SDK1: variants seen among roughly 807,000 people sequenced by gnomAD.
SDK1 encodes protein sidekick-1.
In SDK1, 157 loss-of-function variants were observed where a neutral mutation model predicts 245.5. The observed-to-expected ratio is 0.64, with a 90% CI of 0.56 to 0.73. The LOEUF is 0.73. Among genes scored for constraint, SDK1 ranks in the 30% least tolerant of loss-of-function variants. The probability of loss-of-function intolerance (pLI) is 0.00; values close to 1 mark genes in which losing one functional copy is unlikely to be tolerated. For synonymous variants in SDK1, 1,647 were observed against 1,278.5 expected (o/e 1.29, Z -6.15); for missense variants, 3,583 against 3,002.3 (o/e 1.19, Z -4.52).
chr7:4,127,260 A>G (rs185063327), intron 25 of SDK1, 121 bp from the exon 26 acceptor site: 642 of 756,444 alleles, frequency 8.5e-4, no homozygotes, highest in Non-Finnish European at 1.1e-3. Context: ...TCTGATCACT[A>G]CAAAATGCTT....
chr7:3,927,287 T>G (rs948400655), intron 5 of SDK1, among the ~76,000 whole-genome samples: 13 of 152,234 alleles, frequency 8.5e-5, no homozygotes, highest in Admixed American at 5.2e-4. Flanking sequence ...AATAGAATTT[T>G]TTTTTTAAAT....
At chr7:3,442,730 G>A (rs941236860) in intron 1 of SDK1, among the ~76,000 whole-genome samples, 1 of 152,086 alleles carries the variant, frequency 6.6e-6, no homozygotes, top group African/African-American at 2.4e-5. Context: ...GATATGTTTT[G>A]TTTTTAGCAT....
At chr7:3,675,998 T>G (rs1409140470) in intron 4 of SDK1, among the ~76,000 whole-genome samples, 2 of 152,222 alleles carry the variant, frequency 1.3e-5, no homozygotes, top group East Asian at 3.8e-4. Flanking sequence ...GGTTGTCTGT[T>G]TGCTCTATTG....
rs79453449 is a variant in SDK1 at position 3,320,098 on chromosome 7, C to G, written c.298+18214C>G. Among the ~76,000 whole-genome samples the G allele has an allele frequency of 3.7e-3, 564 of 151,964 alleles. 4 individuals are homozygous for G. Among genetic ancestry groups the G allele is most frequent in the African/African-American group, 0.012 (507 of 41,426 alleles). ...CCAATTTATTCCCCCTTTCCTCATTCTCTTCTGATGTATGGGTTTAGGAAG... is the reference window on the plus strand; with the variant it reads ...CCAATTTATTCCCCCTTTCCTCATTGTCTTCTGATGTATGGGTTTAGGAAG... On this transcript the variant is annotated intron_variant, in intron 1 of 44. Transcript: ENST00000404826.
At position 3,320,396 on chromosome 7, in the gene SDK1, T is replaced by C. The variant is rs578148892; in HGVS notation, c.298+18512T>C. ...ATATTCTATGGAGTAAGAACTCATG[T>C]TACTATAGTAACATGCTGCTCTGTA... On this transcript the variant is annotated intron_variant, in intron 1 of 44. Coordinates refer to ENST00000404826, the MANE Select transcript of SDK1 (RefSeq NM_152744.4). 2.6e-5 allele frequency among the ~76,000 whole-genome samples: 4 copies of C among 152,284 alleles called. No individual in the cohort carries two copies. The South Asian group carries it at 8.3e-4, about 32-fold the overall frequency.
chr7:3,531,264 G>T, intron 1 of SDK1, among the ~76,000 whole-genome samples: 1 of 152,080 alleles, frequency 6.6e-6, no homozygotes, highest in East Asian at 1.9e-4. Flanking sequence ...ATCTTTATCT[G>T]TACGCTATGC....
At position 3,685,734 on chromosome 7, in the gene SDK1, T is replaced by G. The variant is rs146565305; in HGVS notation, c.713+43629T>G. 2.5e-3 allele frequency among the ~76,000 whole-genome samples: 385 copies of G among 152,238 alleles called. 3 individuals are homozygous for G. Among genetic ancestry groups the G allele is most frequent in the African/African-American group, 9.0e-3 (375 of 41,540 alleles). On this transcript the variant is annotated intron_variant, in intron 4 of 44. Transcript: ENST00000404826. ...TTCAAAGTATCATATATGTACATTGTGATACCCATATAACCACTAAGAAAA... is the reference window on the plus strand; with the variant it reads ...TTCAAAGTATCATATATGTACATTGGGATACCCATATAACCACTAAGAAAA...
chr7:4,065,372 T>A (rs1214915674), intron 19 of SDK1, among the ~76,000 whole-genome samples: 1 of 152,090 alleles, frequency 6.6e-6, no homozygotes, highest in Non-Finnish European at 1.5e-5. Flanking sequence ...GGAAACAGAA[T>A]ATAAATTTTA....
intron 23 of SDK1, among the ~76,000 whole-genome samples, chr7:4,111,137 A>T (rs1002962444): frequency 6.6e-6 from 1 of 152,214 alleles, no homozygotes; most frequent in Admixed American, 6.5e-5. Flanking sequence ...GTGTGCAAAC[A>T]AAGCAGATGT....
intron 1 of SDK1, among the ~76,000 whole-genome samples, chr7:3,447,411 C>G (rs1158043143): frequency 6.7e-6 from 1 of 149,032 alleles, no homozygotes; most frequent in Non-Finnish European, 1.5e-5. Flanking sequence ...CATGCTCAAA[C>G]AAGTACACAC....
At chr7:3,490,394 A>G (rs567997179) in intron 1 of SDK1, among the ~76,000 whole-genome samples, 1 of 152,316 alleles carries the variant, frequency 6.6e-6, no homozygotes, top group Admixed American at 6.5e-5. Context: ...AATTTGGCCT[A>G]GGCACTGTAT....
chr7:3,355,898 T>C (rs35630637), intron 1 of SDK1, among the ~76,000 whole-genome samples: 35,650 of 152,120 alleles, frequency 0.23, 4,640 homozygotes, highest in East Asian at 0.39. Context: ...GATCCTGCTG[T>C]TTGTTCTTTT....
chr7:3,407,026 G>C (rs142973708), intron 1 of SDK1, among the ~76,000 whole-genome samples: 2 of 152,168 alleles, frequency 1.3e-5, no homozygotes, highest in Admixed American at 1.3e-4. Flanking sequence ...GATCAAGAAT[G>C]CTAGAGGAAA....
intron 1 of SDK1, among the ~76,000 whole-genome samples, chr7:3,408,772 C>G (rs1001914467): frequency 2.0e-5 from 3 of 152,156 alleles, no homozygotes; most frequent in African/African-American, 4.8e-5. Flanking sequence ...GTTTGGAATC[C>G]TGCTGTTGGA....
intron 1 of SDK1, among the ~76,000 whole-genome samples, chr7:3,376,907 C>G (rs1781370171): frequency 6.6e-6 from 1 of 152,034 alleles, no homozygotes; most frequent in South Asian, 2.1e-4. Flanking sequence ...TCCTCTTGGA[C>G]TTTCCTGGAT....
intron 1 of SDK1, among the ~76,000 whole-genome samples, chr7:3,530,161 T>A (rs1262547678): frequency 6.6e-6 from 1 of 152,208 alleles, no homozygotes; most frequent in South Asian, 2.1e-4. Flanking sequence ...GGACCCATTA[T>A]ATTAGCTCAA....
intron 5 of SDK1, among the ~76,000 whole-genome samples, chr7:3,922,198 G>C (rs181101791): frequency 0.013 from 1,928 of 148,052 alleles, 22 homozygotes; most frequent in Non-Finnish European, 0.021. Context: ...AGGTGAGTCT[G>C]ATTGGCAGAT....
intron 14 of SDK1, among the ~76,000 whole-genome samples, chr7:3,997,070 C>G (rs1457383357): frequency 6.6e-6 from 1 of 152,178 alleles, no homozygotes; most frequent in Non-Finnish European, 1.5e-5. Flanking sequence ...AAAGTTCTTC[C>G]TGGCCCTTTC....
At chr7:3,471,075 T>C (rs1781168092) in intron 1 of SDK1, among the ~76,000 whole-genome samples, 1 of 152,196 alleles carries the variant, frequency 6.6e-6, no homozygotes, top group Admixed American at 6.5e-5. Context: ...GTTTGAGGAC[T>C]ATTGGTATAT....
Sources: gnomAD v4.1 joint callset for allele counts (sites outside exome capture counted in the v4.1 genomes callset) on GRCh38, gnomAD v4.1.1 for gene constraint, MANE v1.5 for transcripts, NCBI Gene and HGNC (gene_info 2026-07-23, HGNC 2026-07-21) for gene names.